FAM149B1: variants seen among roughly 807,000 people sequenced by gnomAD.
FAM149B1 encodes the protein family with sequence similarity 149 member B1, also known as primary cilium assembly protein FAM149B1.
Under a neutral mutation model 75.3 loss-of-function variants are expected in FAM149B1, and 56 were observed. That is an observed-to-expected ratio of 0.74 (90% CI 0.60 to 0.93). The LOEUF is 0.93. FAM149B1 is among the 40% of genes least tolerant of loss of function. FAM149B1 has a pLI of 0.00. For synonymous variants in FAM149B1, 259 were observed against 256.1 expected (o/e 1.01, Z -0.11); for missense variants, 639 against 708.4 (o/e 0.90, Z 1.11).
chr10:73,231,361 G>A (rs1442739325), intron 9 of FAM149B1: 2 of 152,080 alleles, frequency 1.3e-5, no homozygotes, highest in African/African-American at 4.8e-5. Flanking sequence ...GAAATGAAAG[G>A]GTCATAGCAC....
intron 5 of FAM149B1, among the ~76,000 whole-genome samples, chr10:73,204,255 G>A (rs374007369): frequency 1.3e-5 from 2 of 152,112 alleles, no homozygotes; most frequent in Non-Finnish European, 2.9e-5. Context: ...CTCCCAGGTA[G>A]CTGGGATTAC....
At chr10:73,233,345 TA>T (rs1292805079) in intron 10 of FAM149B1, 182 bp downstream of exon 10, 4 of 583,954 alleles carry the variant, frequency 6.8e-6, no homozygotes, top group Non-Finnish European at 1.2e-5. Flanking sequence ...AATTTTATTT[TA>T]TTTTATTTTT....
chr10:73,230,187 T>C (rs2043652726), intron 8 of FAM149B1: 1 of 398,252 alleles, frequency 2.5e-6, no homozygotes, highest in Non-Finnish European at 4.7e-6. Context: ...TTCATCCAGA[T>C]TGATCAGGCT....
chr10:73,220,640 T>A (rs563147181), intron 7 of FAM149B1, among the ~76,000 whole-genome samples: 2 of 152,220 alleles, frequency 1.3e-5, no homozygotes, highest in South Asian at 4.1e-4. Context: ...GAGACAGGCT[T>A]TTAGGGAGGT....
chr10:73,226,887 A>C (rs1347520021), intron 7 of FAM149B1, among the ~76,000 whole-genome samples: 1 of 152,190 alleles, frequency 6.6e-6, no homozygotes, highest in Non-Finnish European at 1.5e-5. Flanking sequence ...CAACTTTCCC[A>C]ACCTCTATGT....
At chr10:73,193,772 G>T (rs537440966) in intron 5 of FAM149B1, among the ~76,000 whole-genome samples, 179 bp downstream of exon 5, 1 of 152,228 alleles carries the variant, frequency 6.6e-6, no homozygotes, top group Non-Finnish European at 1.5e-5. Context: ...ATGTAATTTT[G>T]TTCAAAAAGT....
intron 8 of FAM149B1, among the ~76,000 whole-genome samples, chr10:73,229,149 T>C (rs1470839026): frequency 6.6e-6 from 1 of 152,166 alleles, no homozygotes; most frequent in Non-Finnish European, 1.5e-5. Context: ...ACAAAGATGG[T>C]ATTTCTTGCA....
intron 5 of FAM149B1, among the ~76,000 whole-genome samples, chr10:73,194,429 C>T (rs1404801554): frequency 1.3e-5 from 2 of 151,944 alleles, no homozygotes; most frequent in African/African-American, 4.8e-5. Context: ...GTCTTGCTGT[C>T]TCGCCCAGGC....
chr10:73,180,189 A>G (rs2042363590), intron 3 of FAM149B1, among the ~76,000 whole-genome samples: 1 of 152,226 alleles, frequency 6.6e-6, no homozygotes, highest in African/African-American at 2.4e-5. Flanking sequence ...AGACTTGAAG[A>G]CAGAAGAGCT....
chr10:73,243,613 C>T lies in FAM149B1; in HGVS notation c.*2594C>T. 2 of 1,498,962 alleles carry T rather than the reference C, an allele frequency of 1.3e-6. No homozygotes were observed. Among genetic ancestry groups the T allele is most frequent in the South Asian group, 1.2e-5 (1 of 81,802 alleles). 92.9% of individuals were successfully genotyped at this position (1,498,962 alleles called of 1,614,324 possible). On this transcript the variant is annotated 3_prime_UTR_variant, in exon 14 of 14. Transcript: ENST00000242505. Reference sequence around the variant, plus strand: ...AGGGGCTGGAAAAGTGGAATAACTACTAATGGGTATGGAGTTTTTTTGGAA... The same window carrying T: ...AGGGGCTGGAAAAGTGGAATAACTATTAATGGGTATGGAGTTTTTTTGGAA...
At chr10:73,186,920 T>C (rs754894424) in intron 3 of FAM149B1, among the ~76,000 whole-genome samples, 15 of 152,108 alleles carry the variant, frequency 9.9e-5, no homozygotes, top group Non-Finnish European at 8.8e-5. Flanking sequence ...ACAGTTTCTT[T>C]TAAGGGTGAT....
Position 73,232,962 on chromosome 10 carries a change from T to C in FAM149B1, c.1151T>C (p.Met384Thr), listed in dbSNP as rs2043741267. 1 of 1,550,980 alleles carries C rather than the reference T, an allele frequency of 6.4e-7. No homozygotes were observed. Reference sequence around the variant, plus strand: ...AGAGATCTTGATGACAAGCTACTTATGAGGCCTGGGTCCAGTACCATCCTT... The same window carrying C: ...AGAGATCTTGATGACAAGCTACTTACGAGGCCTGGGTCCAGTACCATCCTT... ...KLLDLDDKLL[M>T]RPGSSTILST... Residue 384 changes from methionine to threonine, a missense_variant, in exon 10 of 14, where the codon ATG becomes ACG. Transcript: ENST00000242505.
At chr10:73,179,335 A>G (rs889593346) in intron 3 of FAM149B1, among the ~76,000 whole-genome samples, 16 of 152,234 alleles carry the variant, frequency 1.1e-4, no homozygotes, top group African/African-American at 3.9e-4. Flanking sequence ...TGTACACATA[A>G]TATTATGCTG....
rs1045393888 is a variant in FAM149B1 at position 73,230,591 on chromosome 10, T to G, written c.1127+66T>G. ...GAAACAGAGGGAAAGCAAAATCAGT[T>G]TATCAGTATGCATGTATTGAGTGCC... On this transcript the variant is annotated intron_variant, in intron 9 of 13. Coordinates refer to ENST00000242505, the MANE Select transcript of FAM149B1 (RefSeq NM_173348.2). The G allele has an allele frequency of 1.3e-5, 12 of 907,776 alleles. No individual in the cohort carries two copies. In the South Asian group the frequency reaches 1.7e-4, roughly 13 times the overall value. 56.2% of individuals were successfully genotyped at this position (907,776 alleles called of 1,614,324 possible). A position where few individuals can be genotyped will look rare whatever the true frequency, so the allele number is the denominator to read the frequency against.
chr10:73,179,414 CTCTT>C (rs200018213), intron 3 of FAM149B1, among the ~76,000 whole-genome samples: 1 of 142,282 alleles, frequency 7.0e-6, no homozygotes, highest in African/African-American at 2.9e-5. Context: ...TATTGTTAGG[CTCTT>C]TCTTTCTGTC....
Position 73,241,320 on chromosome 10 carries a change from TAAC to T in FAM149B1, c.*304_*306del, listed in dbSNP as rs1396913598. On this transcript the variant is annotated 3_prime_UTR_variant, in exon 14 of 14. Coordinates refer to ENST00000242505, the MANE Select transcript of FAM149B1 (RefSeq NM_173348.2). ...CCAAATCACTGCTCATGTTATCTCT[TAAC>T]AATGATCAGTTCAATCATATAGGAT... The T allele has an allele frequency of 8.1e-6, 3 of 369,226 alleles. No individual in the cohort carries two copies. Among genetic ancestry groups the T allele is most frequent in the Non-Finnish European group, 1.6e-5 (3 of 193,238 alleles). The allele number at this position is 369,226 out of a possible 1,614,324, so 22.9% of individuals were successfully genotyped here.
chr10:73,191,145 A>G (rs1376421651), intron 3 of FAM149B1, among the ~76,000 whole-genome samples: 1 of 151,388 alleles, frequency 6.6e-6, no homozygotes, highest in Non-Finnish European at 1.5e-5. Context: ...GGTTCAAGAG[A>G]TTCTCCTGCC....
chr10:73,169,003 T>C (rs1333336704), intron 1 of FAM149B1: 2 of 152,134 alleles, frequency 1.3e-5, no homozygotes, highest in African/African-American at 2.4e-5. Context: ...AGAGCAAATA[T>C]TTCTGGCTTT....
chr10:73,232,092 T>C (rs2043718222), intron 9 of FAM149B1, among the ~76,000 whole-genome samples: 1 of 152,202 alleles, frequency 6.6e-6, no homozygotes, highest in Non-Finnish European at 1.5e-5. Flanking sequence ...GTTGAGGAAC[T>C]TGCTGAAAGC....
Sources: gnomAD v4.1 joint callset for allele counts (sites outside exome capture counted in the v4.1 genomes callset) on GRCh38, gnomAD v4.1.1 for gene constraint, MANE v1.5 for transcripts, NCBI Gene and HGNC (gene_info 2026-07-23, HGNC 2026-07-21) for gene names.